Variants in CAMK2B observed in about 807,000 individuals in gnomAD.
CAMK2B encodes calcium/calmodulin dependent protein kinase II beta, also known as calcium/calmodulin-dependent protein kinase type II subunit beta.
A neutral mutation model predicts 93.7 loss-of-function variants in CAMK2B; 27 were observed. That is an observed-to-expected ratio of 0.29 (90% CI 0.21 to 0.40). The LOEUF (loss-of-function observed/expected upper bound fraction) is 0.40, where lower values mean the gene tolerates loss of function less well. Among genes scored for constraint, CAMK2B ranks in the 10% least tolerant of loss-of-function variants. The pLI, the probability that CAMK2B is intolerant of heterozygous loss-of-function variation, is 1.00. For synonymous variants in CAMK2B, 374 were observed against 358.8 expected (o/e 1.04, Z -0.48); for missense variants, 568 against 895.8 (o/e 0.63, Z 4.67).
At position 44,257,594 on chromosome 7, in the gene CAMK2B, C is replaced by G. The variant is rs1020646102; in HGVS notation, c.275+1278G>C. Among the ~76,000 whole-genome samples, 4 of 152,242 alleles carry G rather than the reference C, an allele frequency of 2.6e-5. No individual in the cohort carries two copies. The South Asian group carries it at 6.2e-4, about 24-fold the overall frequency. On this transcript the variant is annotated intron_variant, in intron 4 of 23. Transcript: ENST00000395749. Reference sequence around the variant, plus strand: ...TGGGGCACACAGGTGTGGCAGCAAGCCTGCCAGCTCCCCAGGGCCACAGGA... The same window carrying G: ...TGGGGCACACAGGTGTGGCAGCAAGGCTGCCAGCTCCCCAGGGCCACAGGA...
At chr7:44,297,212 G>A (rs1456394119) in intron 1 of CAMK2B, among the ~76,000 whole-genome samples, 2 of 152,190 alleles carry the variant, frequency 1.3e-5, no homozygotes, top group African/African-American at 4.8e-5. Flanking sequence ...AAATGGTGTA[G>A]TGTTATTTGA....
intron 5 of CAMK2B, among the ~76,000 whole-genome samples, chr7:44,252,521 A>G (rs965654449): frequency 2.7e-5 from 1 of 36,860 alleles, no homozygotes; most frequent in African/African-American, 1.1e-4. Context: ...GGGGCCTGTG[A>G]TGGGGCACGG....
At chr7:44,249,859 C>G (rs1320355597) in intron 5 of CAMK2B, among the ~76,000 whole-genome samples, 3 of 152,198 alleles carry the variant, frequency 2.0e-5, no homozygotes, top group Non-Finnish European at 4.4e-5. Context: ...CCCCCTGACT[C>G]CACAGTTGGC....
chr7:44,300,014 A>ATGTG (rs1554450898), intron 1 of CAMK2B, among the ~76,000 whole-genome samples: 2 of 125,110 alleles, frequency 1.6e-5, no homozygotes, highest in Non-Finnish European at 3.3e-5. Context: ...GTATATGTGT[A>ATGTG]TGTGTCTGTG....
intron 4 of CAMK2B, among the ~76,000 whole-genome samples, chr7:44,255,281 A>C (rs1013369451): frequency 6.6e-6 from 1 of 152,090 alleles, no homozygotes; most frequent in Non-Finnish European, 1.5e-5. Flanking sequence ...ATTGGGCCCT[A>C]TGGTCAGGAT....
intron 1 of CAMK2B, among the ~76,000 whole-genome samples, chr7:44,324,435 A>G (rs1281478169): frequency 6.6e-6 from 1 of 152,102 alleles, no homozygotes; most frequent in East Asian, 1.9e-4. Context: ...CAGGCCAGAC[A>G]GGAGGCCCCT....
chr7:44,279,425 C>T (rs1388893773), intron 2 of CAMK2B, among the ~76,000 whole-genome samples: 2 of 152,212 alleles, frequency 1.3e-5, no homozygotes, highest in South Asian at 2.1e-4. Flanking sequence ...AGAAAGGGGT[C>T]GGCCTGCCCT....
At chr7:44,242,131 C>A in intron 10 of CAMK2B, 87 bp downstream of exon 10, 2 of 1,479,088 alleles carry the variant, frequency 1.4e-6, no homozygotes, top group Middle Eastern at 1.8e-4. Flanking sequence ...AGGAACAGGA[C>A]CCTCTTGGGG....
intron 1 of CAMK2B, among the ~76,000 whole-genome samples, chr7:44,284,544 G>A (rs909438045): frequency 6.6e-6 from 1 of 152,208 alleles, no homozygotes; most frequent in African/African-American, 2.4e-5. Flanking sequence ...GAGGGGCCCC[G>A]TTCAGCTCCT....
chr7:44,281,621 C>T (rs111968870), intron 2 of CAMK2B, among the ~76,000 whole-genome samples: 7 of 152,292 alleles, frequency 4.6e-5, no homozygotes, highest in African/African-American at 1.2e-4. Flanking sequence ...CTGCTCCCGG[C>T]GACATCTGCC....
intron 2 of CAMK2B, among the ~76,000 whole-genome samples, chr7:44,270,070 A>G (rs1052611090): frequency 8.0e-5 from 12 of 150,134 alleles, no homozygotes; most frequent in African/African-American, 2.9e-4. Context: ...GTGCTCAAGA[A>G]CGTACCCCCC....
chr7:44,295,968 T>G (rs531639414), intron 1 of CAMK2B, among the ~76,000 whole-genome samples: 1 of 152,278 alleles, frequency 6.6e-6, no homozygotes, highest in South Asian at 2.1e-4. Context: ...GAGTACAGAA[T>G]GCTTCCTCTC....
intron 13 of CAMK2B, among the ~76,000 whole-genome samples, chr7:44,236,853 G>A (rs755284499): frequency 2.6e-5 from 4 of 152,180 alleles, no homozygotes; most frequent in Admixed American, 1.3e-4. Flanking sequence ...CCAGCTGCCC[G>A]ACACAGCTGG....
At chr7:44,251,200 G>A (rs1396985059) in intron 5 of CAMK2B, among the ~76,000 whole-genome samples, 1 of 152,132 alleles carries the variant, frequency 6.6e-6, no homozygotes, top group African/African-American at 2.4e-5. Flanking sequence ...ATCCTGTCCC[G>A]CGCCTGTCCT....
In CAMK2B at chr7:44,295,385, T is replaced by A. The variant is rs150227341; in HGVS notation, c.66-11160A>T. On this transcript the variant is annotated intron_variant, in intron 1 of 23. Transcript: ENST00000395749. ...GCAGGAAAACTTCTGCCTCCAAAAT[T>A]GGCAGATAGAGAGAATTACAACTTG... Among the ~76,000 whole-genome samples, 297 of 152,348 alleles carry A rather than the reference T, an allele frequency of 1.9e-3. 4 individuals carry two copies. Among genetic ancestry groups the A allele is most frequent in the African/African-American group, 6.7e-3 (279 of 41,566 alleles).
intron 13 of CAMK2B, among the ~76,000 whole-genome samples, 158 bp from the exon 14 acceptor site, chr7:44,234,834 G>T (rs559430560): frequency 2.6e-5 from 4 of 152,176 alleles, no homozygotes; most frequent in East Asian, 1.9e-4. Context: ...CTGAGCAGGT[G>T]GGGGGGCCAT....
At chr7:44,234,734 G>C (rs572697362) in intron 13 of CAMK2B, 58 bp from the exon 14 acceptor site, 14 of 1,562,180 alleles carry the variant, frequency 9.0e-6, no homozygotes, top group Non-Finnish European at 1.2e-5. Context: ...TCGCTGCAGC[G>C]CAACCCCACC....
At position 44,243,441 on chromosome 7, in the gene CAMK2B, G is replaced by A. The variant is rs139418309; in HGVS notation, c.501C>T (p.Asp167=). The A allele has an allele frequency of 7.4e-6, 12 of 1,613,884 alleles. No homozygotes were observed. The highest frequency in any genetic ancestry group is 8.5e-6 in the Non-Finnish European group (10 of 1,179,930). ...DFGLAIEVQG[D]QQAWFGFAGT... Reference sequence around the variant, plus strand: ...GGCACTCACCAAACCATGCCTGCTGGTCCCCCTGCACCTCGATAGCTAGGC... The same window carrying A: ...GGCACTCACCAAACCATGCCTGCTGATCCCCCTGCACCTCGATAGCTAGGC... The change falls in exon 7 of 24, where the codon GAC becomes GAT. Residue 167 remains aspartate (D), a synonymous_variant. Coordinates refer to ENST00000395749, the MANE Select transcript of CAMK2B (RefSeq NM_001220.5).
chr7:44,287,699 G>A lies in CAMK2B; in HGVS notation c.66-3474C>T, dbSNP rs558067624. ...TTTATAAACATTGAGAGACAACACCGACAAAGAGCCTGGATCTGTATCATA... is the reference window on the plus strand; with the variant it reads ...TTTATAAACATTGAGAGACAACACCAACAAAGAGCCTGGATCTGTATCATA... On this transcript the variant is annotated intron_variant, in intron 1 of 23. Transcript: ENST00000395749. 8.5e-5 allele frequency among the ~76,000 whole-genome samples: 13 copies of A among 152,266 alleles called. No individual in the cohort carries two copies. The East Asian group carries it at 2.3e-3, about 27-fold the overall frequency.
Sources: gnomAD v4.1 joint callset for allele counts (sites outside exome capture counted in the v4.1 genomes callset) on GRCh38, gnomAD v4.1.1 for gene constraint, MANE v1.5 for transcripts, NCBI Gene and HGNC (gene_info 2026-07-23, HGNC 2026-07-21) for gene names.